Variants in CAMSAP1 observed in about 807,000 individuals in gnomAD.
The protein encoded by CAMSAP1 is calmodulin regulated spectrin associated protein 1, also known as calmodulin-regulated spectrin-associated protein 1.
In CAMSAP1, 58 loss-of-function variants were observed where a neutral mutation model predicts 143.5. The ratio of observed to expected loss-of-function variants is 0.40; its 90% CI spans 0.33 to 0.50. CAMSAP1 has a LOEUF of 0.50. Among genes scored for constraint, CAMSAP1 ranks in the 20% least tolerant of loss-of-function variants. The pLI is 0.45. For synonymous variants in CAMSAP1, 945 were observed against 859.3 expected, an observed-to-expected ratio of 1.10 and a Z score of -1.74; for missense variants, 1,969 against 2,115.7, an observed-to-expected ratio of 0.93 and a Z score of 1.36.
chr9:135,888,537 G>A (rs961483757), intron 1 of CAMSAP1, among the ~76,000 whole-genome samples: 11 of 152,182 alleles, frequency 7.2e-5, no homozygotes, highest in African/African-American at 2.7e-4. Flanking sequence ...AGACGTGCAG[G>A]ACAGTGAGTC....
intron 5 of CAMSAP1, among the ~76,000 whole-genome samples, chr9:135,859,684 G>A (rs1319082621): frequency 6.6e-6 from 1 of 151,264 alleles, no homozygotes; most frequent in Non-Finnish European, 1.5e-5. Flanking sequence ...GAGCCACCGC[G>A]CCTGGCCGTA....
intron 11 of CAMSAP1, among the ~76,000 whole-genome samples, chr9:135,819,527 T>A (rs1012512279): frequency 3.4e-5 from 5 of 145,998 alleles, no homozygotes; most frequent in African/African-American, 1.2e-4. Context: ...GGCGAAACCC[T>A]GTCTCTATTA....
chr9:135,812,934 C>T (rs193227954), intron 16 of CAMSAP1, among the ~76,000 whole-genome samples: 1 of 149,164 alleles, frequency 6.7e-6, no homozygotes, highest in Admixed American at 6.7e-5. Flanking sequence ...CCAGTCTGGG[C>T]GACAGAGTGA....
chr9:135,897,195 C>T (rs530348892), intron 1 of CAMSAP1, among the ~76,000 whole-genome samples: 2 of 152,234 alleles, frequency 1.3e-5, no homozygotes, highest in African/African-American at 4.8e-5. Flanking sequence ...CACTCTGTTG[C>T]CCAGGCTGGA....
At position 135,820,881 on chromosome 9, in the gene CAMSAP1, G is replaced by A. The variant is rs775706799; in HGVS notation, c.3780C>T (p.Val1260=). The change falls in exon 11 of 17, where the codon GTC becomes GTT. Residue 1260 remains valine (V), a synonymous_variant. Coordinates refer to ENST00000389532, the MANE Select transcript of CAMSAP1 (RefSeq NM_015447.4). This position sits in a 1 kb window ranked among gnomAD's most constrained non-coding sequence, Gnocchi z 4.4. The part of the protein sequence containing the change: ...LVSLDGSADL[V]SEGDQKPGVG... ...CCCCCGGCTTCTGGTCGCCTTCGCT[G>A]ACAAGGTCCGCCGAGCCATCGAGGC... The A allele has an allele frequency of 3.7e-6, 6 of 1,613,502 alleles. No individual in the cohort carries two copies. In the South Asian group the frequency reaches 4.4e-5, roughly 12 times the overall value.
At chr9:135,817,185 C>T (rs1361315166) in intron 14 of CAMSAP1, among the ~76,000 whole-genome samples, 1 of 152,208 alleles carries the variant, frequency 6.6e-6, no homozygotes. Context: ...TCGCCCCAAA[C>T]CAGATCCTGG....
chr9:135,836,068 C>A, intron 7 of CAMSAP1: 1 of 972,628 alleles, frequency 1.0e-6, no homozygotes. Flanking sequence ...CTTCTCTTAT[C>A]CGACCAGGGG....
chr9:135,899,777 CATCT>C (rs1362238553), intron 1 of CAMSAP1, among the ~76,000 whole-genome samples: 1 of 152,156 alleles, frequency 6.6e-6, no homozygotes, highest in African/African-American at 2.4e-5. Flanking sequence ...CCCTTACCTC[CATCT>C]GATTCTCACA....
At position 135,824,838 on chromosome 9, in the gene CAMSAP1, C is replaced by T; in HGVS notation, c.1266G>A (p.Leu422=). ...TAAFSPSHPL[L]PLRQKQQKSI... ...ATTTCTGCTGTTTCTGTCTCAGTGGCAATAAAGGATGGGATGGGCTGAAGG... is the reference window on the plus strand; with the variant it reads ...ATTTCTGCTGTTTCTGTCTCAGTGGTAATAAAGGATGGGATGGGCTGAAGG... Residue 422 remains leucine (L), a synonymous_variant, in exon 9 of 17, where the codon TTG becomes TTA. Transcript: ENST00000389532. This position sits in a 1 kb window ranked among gnomAD's most constrained non-coding sequence, Gnocchi z 4.1. The T allele has an allele frequency of 6.2e-7, 1 of 1,604,314 alleles. No individual in the cohort carries two copies. Among genetic ancestry groups the T allele is most frequent in the Non-Finnish European group, 8.5e-7 (1 of 1,175,512 alleles).
At chr9:135,904,430 AAATTACAC>A (rs1453908469) in intron 1 of CAMSAP1, among the ~76,000 whole-genome samples, 1 of 151,570 alleles carries the variant, frequency 6.6e-6, no homozygotes, top group Non-Finnish European at 1.5e-5. Flanking sequence ...GGAAAAAAGA[AAATTACAC>A]ACGAGGCTGA....
In CAMSAP1 at chr9:135,907,172, G is replaced by C; in HGVS notation, c.-13C>G. The C allele has an allele frequency of 3.7e-6, 4 of 1,081,836 alleles. No homozygotes were observed. The highest frequency in any genetic ancestry group is 1.1e-4 in the Admixed American group (2 of 18,626). The allele number at this position is 1,081,836 out of a possible 1,614,324, so 67.0% of individuals were successfully genotyped here. A position where few individuals can be genotyped will look rare whatever the true frequency, so the allele number is the denominator to read the frequency against. On this transcript the variant is annotated 5_prime_UTR_variant, in exon 1 of 17. Coordinates refer to ENST00000389532, the MANE Select transcript of CAMSAP1 (RefSeq NM_015447.4). ...TCGCGTCCACCATCTGCAGACAAAG[G>C]GCTGAGGCGGCGGCCCGGCCGCAAC...
intron 7 of CAMSAP1, among the ~76,000 whole-genome samples, chr9:135,830,680 T>A (rs994834938): frequency 6.6e-6 from 1 of 152,022 alleles, no homozygotes. Context: ...TACACAACAT[T>A]CCAGACTAAA....
Position 135,862,993 on chromosome 9 carries a change from G to A in CAMSAP1, c.667-385C>T, listed in dbSNP as rs551614951. Among the ~76,000 whole-genome samples the A allele has an allele frequency of 3.3e-5, 5 of 152,290 alleles. No individual in the cohort carries two copies. The South Asian group carries it at 1.0e-3, about 32-fold the overall frequency. On this transcript the variant is annotated intron_variant, in intron 4 of 16. Transcript: ENST00000389532. Reference sequence around the variant, plus strand: ...ACTAACGAGAAACAAGTTAAATGGTGAACATCCTGACGCTCAGAAGACCCA... The same window carrying A: ...ACTAACGAGAAACAAGTTAAATGGTAAACATCCTGACGCTCAGAAGACCCA...
Position 135,821,115 on chromosome 9 carries a change from C to G in CAMSAP1, c.3546G>C (p.Leu1182=). The G allele has an allele frequency of 6.2e-7, 1 of 1,613,688 alleles. No homozygotes were observed. The highest frequency in any genetic ancestry group is 8.5e-7 in the Non-Finnish European group (1 of 1,179,896). The change falls in exon 11 of 17, where the codon CTG becomes CTC. Residue 1182 remains leucine, a synonymous_variant. Coordinates refer to ENST00000389532, the MANE Select transcript of CAMSAP1 (RefSeq NM_015447.4). The surrounding 1 kb of genome is among the most constrained non-coding windows in gnomAD (Gnocchi z 4.6). The part of the protein sequence containing the change: ...HDESNQRTLT[L]SSSKDANILS... ...GAATGTTGGCATCTTTGGAAGAGGA[C>G]AGAGTAAGTGTCCGCTGATTGCTTT...
chr9:135,845,038 A>G lies in CAMSAP1; in HGVS notation c.1045+5099T>C, dbSNP rs190500928. Reference sequence around the variant, plus strand: ...ATTTTATGAGGCCAGCATCATCGTGATACCAAAACCCGGCAGAGACACAAC... The same window carrying G: ...ATTTTATGAGGCCAGCATCATCGTGGTACCAAAACCCGGCAGAGACACAAC... On this transcript the variant is annotated intron_variant, in intron 7 of 16. Transcript: ENST00000389532. Among the ~76,000 whole-genome samples the G allele has an allele frequency of 1.4e-4, 22 of 152,346 alleles. No homozygotes were observed. The Middle Eastern group carries it at 0.01, about 71-fold the overall frequency.
intron 3 of CAMSAP1, among the ~76,000 whole-genome samples, chr9:135,881,130 C>T (rs1361387838): frequency 6.6e-6 from 1 of 151,906 alleles, no homozygotes; most frequent in Non-Finnish European, 1.5e-5. Context: ...ACTGTTTGGG[C>T]CCAGGAGTTC....
At chr9:135,841,044 G>C (rs934706403) in intron 7 of CAMSAP1, among the ~76,000 whole-genome samples, 4 of 152,124 alleles carry the variant, frequency 2.6e-5, no homozygotes, top group African/African-American at 9.7e-5. Context: ...GGAGGCAAGT[G>C]GTCTAGCTCA....
chr9:135,875,656 T>A (rs1588495188), intron 3 of CAMSAP1, among the ~76,000 whole-genome samples: 1 of 152,218 alleles, frequency 6.6e-6, no homozygotes, highest in East Asian at 1.9e-4. Flanking sequence ...TTACTGATTG[T>A]CAACAAAGAT....
chr9:135,815,202 A>C lies in CAMSAP1; in HGVS notation c.4401T>G (p.Phe1467Leu). The change falls in exon 16 of 17, where the codon TTT becomes TTG. Residue 1467 changes from phenylalanine (F) to leucine (L), a missense_variant. Physicochemically the swap from Phe to Leu is conservative, Grantham distance 22 (BLOSUM62 0). Transcript: ENST00000389532. ...SVAEYTGPKL[F>L]KEPSSKSNKP... ...TGTTTGATTTACTACTGGGCTCCTT[A>C]AAGAGCTTGGGACCTAAGAAACGAG... is the stretch of plus-strand genomic sequence containing the variant. 1 of 1,612,478 alleles carries C rather than the reference A, an allele frequency of 6.2e-7. No individual in the cohort carries two copies. Among genetic ancestry groups the C allele is most frequent in the Non-Finnish European group, 8.5e-7 (1 of 1,179,054 alleles).
Sources: allele counts gnomAD v4.1 joint callset (sites outside exome capture counted in the v4.1 genomes callset), GRCh38; gene constraint gnomAD v4.1.1; non-coding constraint Gnocchi (gnomAD v3.1); transcripts MANE v1.5; gene names NCBI Gene and HGNC (gene_info 2026-07-23, HGNC 2026-07-21).